BMPR2: variants seen among roughly 807,000 people sequenced by gnomAD.
BMPR2 encodes bone morphogenetic protein receptor type-2.
In BMPR2, 29 loss-of-function variants were observed where a neutral mutation model predicts 100.8. The observed-to-expected ratio is 0.29, with a 90% CI of 0.21 to 0.39. BMPR2 has a LOEUF of 0.39. Ranked by LOEUF, BMPR2 falls within the 10% of genes least tolerant of loss-of-function variation. BMPR2 has a pLI of 1.00. For missense variants in BMPR2, 1,011 were observed against 1,274.5 expected (o/e 0.79, Z 3.15); for synonymous variants, 382 against 442.3 (o/e 0.86, Z 1.71).
intron 10 of BMPR2, among the ~76,000 whole-genome samples, chr2:202,550,826 T>A (rs868612727): frequency 2.1e-4 from 32 of 152,020 alleles, no homozygotes; most frequent in Middle Eastern, 3.4e-3. Context: ...TAAAAAGGAG[T>A]TACAAACCAA....
chr2:202,385,435 G>A (rs1390115500), intron 1 of BMPR2, among the ~76,000 whole-genome samples: 1 of 137,238 alleles, frequency 7.3e-6, no homozygotes, highest in Non-Finnish European at 1.5e-5. Flanking sequence ...GCGTGATCTC[G>A]GCTCACGACA....
At chr2:202,461,035 T>A (rs1692215260) in intron 1 of BMPR2, among the ~76,000 whole-genome samples, 1 of 151,936 alleles carries the variant, frequency 6.6e-6, no homozygotes, top group Non-Finnish European at 1.5e-5. Flanking sequence ...TTCCTTGTGG[T>A]TACCTTACTG....
At chr2:202,403,095 C>T (rs1418289899) in intron 1 of BMPR2, among the ~76,000 whole-genome samples, 4 of 151,544 alleles carry the variant, frequency 2.6e-5, no homozygotes, top group Non-Finnish European at 4.4e-5. Context: ...CCCAAAGTGC[C>T]GGGATTACAG....
At chr2:202,559,354 A>C (rs1166854535) in intron 12 of BMPR2, among the ~76,000 whole-genome samples, 1 of 152,150 alleles carries the variant, frequency 6.6e-6, no homozygotes, top group Non-Finnish European at 1.5e-5. Flanking sequence ...ACAATTAAAT[A>C]CAATAATTAA....
At chr2:202,559,023 G>T (rs1351136630) in intron 12 of BMPR2, among the ~76,000 whole-genome samples, 2 of 151,790 alleles carry the variant, frequency 1.3e-5, no homozygotes, top group African/African-American at 4.8e-5. Context: ...ATCCAGGCTG[G>T]GCATGGTGGC....
intron 5 of BMPR2, among the ~76,000 whole-genome samples, chr2:202,517,422 G>A (rs1250704200): frequency 2.7e-5 from 4 of 150,586 alleles, no homozygotes; most frequent in African/African-American, 7.3e-5. Context: ...CCGGTTTCAA[G>A]TGATTCTCCA....
At chr2:202,491,852 T>G (rs542389444) in intron 3 of BMPR2, among the ~76,000 whole-genome samples, 1 of 152,090 alleles carries the variant, frequency 6.6e-6, no homozygotes, top group East Asian at 1.9e-4. Context: ...TAAATATAAC[T>G]AAAAAATCAA....
intron 1 of BMPR2, among the ~76,000 whole-genome samples, chr2:202,439,415 A>G (rs983749809): frequency 6.9e-6 from 1 of 144,486 alleles, no homozygotes; most frequent in Non-Finnish European, 1.5e-5. Flanking sequence ...ATTCCTTAGG[A>G]TTTGTTTATA....
intron 1 of BMPR2, among the ~76,000 whole-genome samples, chr2:202,380,348 A>G (rs1690253565): frequency 1.3e-5 from 2 of 152,218 alleles, no homozygotes; most frequent in African/African-American, 2.4e-5. Flanking sequence ...TTTTACATAC[A>G]TCTCTTGAGG....
chr2:202,496,019 A>G (rs1693019134), intron 3 of BMPR2, among the ~76,000 whole-genome samples: 1 of 152,226 alleles, frequency 6.6e-6, no homozygotes, highest in African/African-American at 2.4e-5. Flanking sequence ...GCAAAAAGAC[A>G]GCGTTAAAAA....
intron 1 of BMPR2, among the ~76,000 whole-genome samples, chr2:202,397,974 T>G (rs1250326507): frequency 1.3e-5 from 2 of 151,746 alleles, no homozygotes; most frequent in Non-Finnish European, 2.9e-5. Context: ...TATAAAAAAT[T>G]AGCCAGGCAC....
chr2:202,408,838 A>G (rs12469580), intron 1 of BMPR2, among the ~76,000 whole-genome samples: 18,041 of 152,188 alleles, frequency 0.12, 1,178 homozygotes, highest in Admixed American at 0.14. Context: ...CAATGGTCAT[A>G]TAAGTATTTT....
chr2:202,536,796 C>T (rs1377885889), intron 9 of BMPR2, among the ~76,000 whole-genome samples: 3 of 147,396 alleles, frequency 2.0e-5, no homozygotes, highest in African/African-American at 5.0e-5. Flanking sequence ...CGCTTGAACC[C>T]GGGAGGCAGA....
intron 1 of BMPR2, among the ~76,000 whole-genome samples, chr2:202,389,526 CAAAA>C (rs781745252): frequency 5.3e-5 from 3 of 56,614 alleles, no homozygotes; most frequent in Admixed American, 1.9e-4. Flanking sequence ...GATTCCATCT[CAAAA>C]AAAAAAAAAA....
intron 1 of BMPR2, among the ~76,000 whole-genome samples, chr2:202,426,205 G>A (rs1366142910): frequency 1.3e-5 from 2 of 152,152 alleles, no homozygotes; most frequent in Non-Finnish European, 2.9e-5. Context: ...CTTGCCTGGT[G>A]ACCCATAGGA....
At chr2:202,459,256 T>C (rs1692179995) in intron 1 of BMPR2, among the ~76,000 whole-genome samples, 1 of 152,238 alleles carries the variant, frequency 6.6e-6, no homozygotes, top group Non-Finnish European at 1.5e-5. Context: ...CAAAAATGAT[T>C]TATCAATGTA....
intron 1 of BMPR2, among the ~76,000 whole-genome samples, chr2:202,385,582 T>C (rs1047159407): frequency 6.7e-6 from 1 of 150,056 alleles, no homozygotes; most frequent in Admixed American, 6.7e-5. Context: ...GCCAGGCTGG[T>C]CTCGAACTCC....
At chr2:202,496,345 C>T (rs1051595046) in intron 3 of BMPR2, among the ~76,000 whole-genome samples, 1 of 152,074 alleles carries the variant, frequency 6.6e-6, no homozygotes, top group African/African-American at 2.4e-5. Context: ...ATTAGCCAGA[C>T]ATGGTGGCAT....
At chr2:202,512,676 C>G (rs1364687250) in intron 3 of BMPR2, among the ~76,000 whole-genome samples, 2 of 152,152 alleles carry the variant, frequency 1.3e-5, no homozygotes, top group Non-Finnish European at 2.9e-5. Flanking sequence ...TGCGATCTGA[C>G]CCACAGAATG....
Sources: gnomAD v4.1 joint callset for allele counts (sites outside exome capture counted in the v4.1 genomes callset) on GRCh38, gnomAD v4.1.1 for gene constraint, MANE v1.5 for transcripts, NCBI Gene and HGNC (gene_info 2026-07-23, HGNC 2026-07-21) for gene names.